Variants in ADAMTS12 observed in about 807,000 individuals in gnomAD.
The protein encoded by ADAMTS12 is ADAM metallopeptidase with thrombospondin type 1 motif 12, also known as A disintegrin and metalloproteinase with thrombospondin motifs 12.
A neutral mutation model predicts 167.8 loss-of-function variants in ADAMTS12; 118 were observed. That is an observed-to-expected ratio of 0.70 (90% CI 0.61 to 0.82). The LOEUF (loss-of-function observed/expected upper bound fraction) is 0.82, where lower values mean the gene tolerates loss of function less well. Ranked by LOEUF, ADAMTS12 falls within the 40% of genes least tolerant of loss-of-function variation. The probability of loss-of-function intolerance (pLI) is 0.00; values close to 1 mark genes in which losing one functional copy is unlikely to be tolerated. For synonymous variants in ADAMTS12, 704 were observed against 716.9 expected (o/e 0.98, Z 0.29); for missense variants, 1,916 against 1,998.8 (o/e 0.96, Z 0.79).
At chr5:33,614,894 T>C (rs772804919) in intron 15 of ADAMTS12, among the ~76,000 whole-genome samples, 2 of 152,128 alleles carry the variant, frequency 1.3e-5, no homozygotes, top group African/African-American at 4.8e-5. Context: ...GCTCAGCGAA[T>C]GTTAACTTGT....
chr5:33,718,928 T>C (rs1743707830), intron 3 of ADAMTS12, among the ~76,000 whole-genome samples: 1 of 152,166 alleles, frequency 6.6e-6, no homozygotes, highest in Non-Finnish European at 1.5e-5. Flanking sequence ...TTCTACACTA[T>C]GTTGTGTTAA....
chr5:33,727,779 G>A (rs925407546), intron 3 of ADAMTS12, among the ~76,000 whole-genome samples: 5 of 152,210 alleles, frequency 3.3e-5, no homozygotes, highest in South Asian at 2.1e-4. Context: ...CCATCCTATC[G>A]TCTCCTTTGC....
chr5:33,821,249 A>C (rs925895636), intron 2 of ADAMTS12, among the ~76,000 whole-genome samples: 2 of 152,168 alleles, frequency 1.3e-5, no homozygotes, highest in African/African-American at 4.8e-5. Flanking sequence ...ATTTTGAGTC[A>C]TATCATGTAT....
intron 2 of ADAMTS12, among the ~76,000 whole-genome samples, chr5:33,766,928 C>T (rs1247594176): frequency 1.3e-5 from 2 of 152,298 alleles, no homozygotes; most frequent in East Asian, 3.9e-4. Context: ...CATCCCAACA[C>T]TCCATCTGTA....
rs1456611609 is a variant in ADAMTS12 at position 33,576,610 on chromosome 5, G to T, written c.3416C>A (p.Pro1139His). 1.9e-6 allele frequency: 3 copies of T among 1,614,222 alleles called. No individual in the cohort carries two copies. The highest frequency in any genetic ancestry group is 2.5e-6 in the Non-Finnish European group (3 of 1,180,038). ...LSSSRNPITW[P>H]VTPFYNTLTK... Reference sequence around the variant, plus strand: ...CAAGGTATTGTAAAATGGAGTCACAGGCCAAGTGATAGGGTTGCGGGAAGA... The same window carrying T: ...CAAGGTATTGTAAAATGGAGTCACATGCCAAGTGATAGGGTTGCGGGAAGA... Residue 1139 changes from proline (P) to histidine (H), a missense_variant, in exon 19 of 24, where the codon CCT (proline) becomes CAT (histidine). Coordinates refer to ENST00000504830, the MANE Select transcript of ADAMTS12 (RefSeq NM_030955.4).
chr5:33,826,897 G>A (rs1035789920), intron 2 of ADAMTS12, among the ~76,000 whole-genome samples: 3 of 152,078 alleles, frequency 2.0e-5, no homozygotes, highest in African/African-American at 4.8e-5. Flanking sequence ...CAGGCATTAC[G>A]GGGAGAATGG....
intron 22 of ADAMTS12, among the ~76,000 whole-genome samples, chr5:33,538,218 G>C (rs996103864): frequency 1.3e-5 from 2 of 152,216 alleles, no homozygotes; most frequent in African/African-American, 4.8e-5. Flanking sequence ...GAAGGGAAGA[G>C]GCACATCTTA....
At chr5:33,651,549 G>A (rs1054274497) in intron 7 of ADAMTS12, among the ~76,000 whole-genome samples, 5 of 152,146 alleles carry the variant, frequency 3.3e-5, no homozygotes, top group South Asian at 4.1e-4. Flanking sequence ...AGGCCATTTC[G>A]TTGATCTCGC....
intron 16 of ADAMTS12, among the ~76,000 whole-genome samples, chr5:33,603,279 GC>G (rs1301225978): frequency 6.6e-6 from 1 of 152,172 alleles, no homozygotes; most frequent in African/African-American, 2.4e-5. Flanking sequence ...GTGATCCTGA[GC>G]TTTTGCCCAA....
intron 2 of ADAMTS12, among the ~76,000 whole-genome samples, chr5:33,830,297 G>A (rs2112517693): frequency 6.6e-6 from 1 of 152,270 alleles, no homozygotes; most frequent in South Asian, 2.1e-4. Flanking sequence ...TGGCAAAAAG[G>A]AGGTAAGACA....
chr5:33,590,037 A>G (rs762969308), intron 17 of ADAMTS12, among the ~76,000 whole-genome samples: 3 of 152,216 alleles, frequency 2.0e-5, no homozygotes, highest in Non-Finnish European at 4.4e-5. Flanking sequence ...AAGAGCTAAT[A>G]ATATTGGAAC....
chr5:33,536,651 T>C (rs1435128951), intron 22 of ADAMTS12, among the ~76,000 whole-genome samples: 1 of 152,182 alleles, frequency 6.6e-6, no homozygotes, highest in Non-Finnish European at 1.5e-5. Context: ...TTAACCACTC[T>C]CTCATTATCC....
chr5:33,838,540 GGGT>G (rs1748617152), intron 2 of ADAMTS12, among the ~76,000 whole-genome samples: 1 of 152,070 alleles, frequency 6.6e-6, no homozygotes, highest in South Asian at 2.1e-4. Context: ...AAAATTAGCC[GGGT>G]GTGATGGTGC....
intron 18 of ADAMTS12, among the ~76,000 whole-genome samples, chr5:33,582,247 G>A (rs1408517664): frequency 1.3e-5 from 2 of 152,192 alleles, no homozygotes; most frequent in African/African-American, 4.8e-5. Context: ...GCCCATATCT[G>A]TTCCCCAGGA....
At chr5:33,731,320 G>A (rs150489251) in intron 3 of ADAMTS12, among the ~76,000 whole-genome samples, 1 of 151,790 alleles carries the variant, frequency 6.6e-6, no homozygotes, top group Non-Finnish European at 1.5e-5. Context: ...CGAGTAGCTG[G>A]GATTACAGGT....
intron 23 of ADAMTS12, among the ~76,000 whole-genome samples, chr5:33,530,329 T>C (rs974314384): frequency 6.6e-6 from 1 of 152,208 alleles, no homozygotes; most frequent in African/African-American, 2.4e-5. Context: ...CAGCTCTTCA[T>C]CTCCCTCATC....
intron 18 of ADAMTS12, among the ~76,000 whole-genome samples, chr5:33,585,036 T>C (rs531640319): frequency 1.4e-5 from 2 of 142,004 alleles, no homozygotes; most frequent in African/African-American, 2.7e-5. Flanking sequence ...TGGTTATCCA[T>C]GTATCCATCC....
chr5:33,545,161 A>C (rs901636243), intron 22 of ADAMTS12, among the ~76,000 whole-genome samples: 24 of 152,252 alleles, frequency 1.6e-4, no homozygotes, highest in African/African-American at 5.1e-4. Context: ...AGAAATTTAC[A>C]AGAAAACAAA....
intron 2 of ADAMTS12, among the ~76,000 whole-genome samples, chr5:33,829,700 C>T (rs906654229): frequency 6.6e-6 from 1 of 152,148 alleles, no homozygotes; most frequent in African/African-American, 2.4e-5. Flanking sequence ...GAACTCATTC[C>T]CTGGAAACAA....
Sources: gnomAD v4.1 joint callset for allele counts (sites outside exome capture counted in the v4.1 genomes callset) on GRCh38, gnomAD v4.1.1 for gene constraint, MANE v1.5 for transcripts, NCBI Gene and HGNC (gene_info 2026-07-23, HGNC 2026-07-21) for gene names.